The following CDH18 variants were observed in gnomAD, a reference collection of about 807,000 sequenced individuals.
The protein encoded by CDH18 is cadherin-18.
CDH18 carries 31 observed loss-of-function variants against 67.9 expected under a neutral mutation model. The ratio of observed to expected loss-of-function variants is 0.46; its 90% CI spans 0.34 to 0.62. The LOEUF is 0.62. CDH18 is among the 20% of genes least tolerant of loss of function. CDH18 has a pLI of 0.01. For missense variants in CDH18, 890 were observed against 975.5 expected (o/e 0.91, Z 1.17); for synonymous variants, 362 against 347.2 (o/e 1.04, Z -0.48).
intron 12 of CDH18, among the ~76,000 whole-genome samples, chr5:19,477,453 C>A (rs747515657): frequency 6.6e-6 from 1 of 151,596 alleles, no homozygotes; most frequent in Non-Finnish European, 1.5e-5. Flanking sequence ...AAGTGAATTA[C>A]CCTGAACAGT....
At chr5:19,896,033 T>C (rs1450777718) in intron 2 of CDH18, among the ~76,000 whole-genome samples, 1 of 151,462 alleles carries the variant, frequency 6.6e-6, no homozygotes, top group Non-Finnish European at 1.5e-5. Flanking sequence ...AAAATGGTCC[T>C]TGCAGATATG....
intron 2 of CDH18, among the ~76,000 whole-genome samples, chr5:20,034,295 G>A (rs186809215): frequency 6.6e-6 from 1 of 152,102 alleles, no homozygotes; most frequent in East Asian, 1.9e-4. Context: ...ATTCCACTGT[G>A]ATGCTTTTTC....
intron 8 of CDH18, among the ~76,000 whole-genome samples, chr5:19,545,294 C>T (rs238637): frequency 6.6e-6 from 1 of 151,994 alleles, no homozygotes; most frequent in East Asian, 1.9e-4. Context: ...GAAACAGTTT[C>T]AATTGGTTAG....
chr5:19,684,857 T>C (rs1359628744), intron 5 of CDH18, among the ~76,000 whole-genome samples: 3 of 152,182 alleles, frequency 2.0e-5, no homozygotes, highest in Admixed American at 2.0e-4. Flanking sequence ...TCAAGTATCT[T>C]TTATCTTTCC....
intron 1 of CDH18, among the ~76,000 whole-genome samples, chr5:20,548,359 ATG>A (rs1490545210): frequency 6.6e-6 from 1 of 151,882 alleles, no homozygotes; most frequent in Non-Finnish European, 1.5e-5. Context: ...GTATGTGTAT[ATG>A]TGTTCATAAA....
At chr5:20,124,980 C>T (rs1014373469) in intron 2 of CDH18, among the ~76,000 whole-genome samples, 1 of 151,926 alleles carries the variant, frequency 6.6e-6, no homozygotes, top group African/African-American at 2.4e-5. Context: ...ATGAGGATTG[C>T]AGGAGTTTGC....
At chr5:19,985,383 G>T (rs1035677199) in intron 1 of CDH18, among the ~76,000 whole-genome samples, 4 of 152,034 alleles carry the variant, frequency 2.6e-5, no homozygotes, top group Admixed American at 2.6e-4. Flanking sequence ...CCACTGAGTG[G>T]TTCTCAAAAT....
At chr5:19,508,541 C>A (rs347698) in intron 10 of CDH18, among the ~76,000 whole-genome samples, 15,456 of 151,586 alleles carry the variant, frequency 0.1, 1,282 homozygotes, top group African/African-American at 0.24. Flanking sequence ...AATGATATTA[C>A]AAATTTAGTC....
intron 1 of CDH18, among the ~76,000 whole-genome samples, chr5:20,468,632 G>A (rs571726692): frequency 6.6e-6 from 1 of 152,148 alleles, no homozygotes; most frequent in African/African-American, 2.4e-5. Context: ...GTATTTTCTA[G>A]CAACCTTCAT....
intron 1 of CDH18, among the ~76,000 whole-genome samples, chr5:20,332,000 T>G (rs1739234437): frequency 6.6e-6 from 1 of 152,124 alleles, no homozygotes; most frequent in Admixed American, 6.6e-5. Flanking sequence ...GACAATGAGG[T>G]TCACAGGCAA....
rs530282908 is a variant in CDH18, at chr5:20,335,921, A to T, written c.-579-80416T>A. ...CTTAAAAATGATTTCATTTACTTTTAACAAAACTTGGTCTTACAGAAAGAA... is the reference window on the plus strand; with the variant it reads ...CTTAAAAATGATTTCATTTACTTTTTACAAAACTTGGTCTTACAGAAAGAA... On this transcript the variant is annotated intron_variant, in intron 1 of 14. Transcript: ENST00000507958. Among the ~76,000 whole-genome samples, 4 of 152,308 alleles carry T rather than the reference A, an allele frequency of 2.6e-5. No individual in the cohort carries two copies. In the South Asian group the frequency reaches 8.3e-4, roughly 32 times the overall value.
intron 1 of CDH18, among the ~76,000 whole-genome samples, chr5:20,296,306 T>G (rs1470805123): frequency 2.0e-5 from 3 of 151,474 alleles, no homozygotes; most frequent in Non-Finnish European, 4.4e-5. Flanking sequence ...CAGGCTGGAG[T>G]GCAGTGGCGC....
chr5:20,524,976 G>A (rs1302994162), intron 1 of CDH18, among the ~76,000 whole-genome samples: 1 of 152,106 alleles, frequency 6.6e-6, no homozygotes, highest in Non-Finnish European at 1.5e-5. Context: ...TCTTGCTTGG[G>A]GGAAACAAAG....
intron 2 of CDH18, among the ~76,000 whole-genome samples, chr5:20,059,646 A>G (rs1031959468): frequency 6.6e-6 from 1 of 152,196 alleles, no homozygotes; most frequent in Non-Finnish European, 1.5e-5. Flanking sequence ...TCATTCTACT[A>G]TAAAGATACA....
At chr5:20,019,643 C>G (rs1242463125) in intron 2 of CDH18, among the ~76,000 whole-genome samples, 4 of 152,140 alleles carry the variant, frequency 2.6e-5, no homozygotes, top group African/African-American at 9.7e-5. Context: ...CTGAGGCCTC[C>G]CAGCCATGCT....
At chr5:20,050,253 T>A (rs1261036045) in intron 2 of CDH18, among the ~76,000 whole-genome samples, 1 of 151,880 alleles carries the variant, frequency 6.6e-6, no homozygotes. Flanking sequence ...TATTTTGTTT[T>A]TTAAAATGCC....
intron 1 of CDH18, among the ~76,000 whole-genome samples, chr5:20,362,661 C>G (rs1409239865): frequency 6.6e-6 from 1 of 152,078 alleles, no homozygotes; most frequent in Non-Finnish European, 1.5e-5. Context: ...TTCAAACTGT[C>G]TAGGGAGAGT....
At chr5:20,135,250 GA>G (rs1276676669) in intron 2 of CDH18, among the ~76,000 whole-genome samples, 2 of 151,714 alleles carry the variant, frequency 1.3e-5, no homozygotes, top group African/African-American at 4.8e-5. Flanking sequence ...AATTCTTTGG[GA>G]ATACCTCAAT....
chr5:20,516,898 A>G (rs1167105436), intron 1 of CDH18, among the ~76,000 whole-genome samples: 2 of 151,980 alleles, frequency 1.3e-5, no homozygotes, highest in Non-Finnish European at 2.9e-5. Context: ...AATCTTGAAG[A>G]CAAGTTCAAG....
Sources: gnomAD v4.1 joint callset for allele counts (sites outside exome capture counted in the v4.1 genomes callset) on GRCh38, gnomAD v4.1.1 for gene constraint, MANE v1.5 for transcripts, NCBI Gene and HGNC (gene_info 2026-07-23, HGNC 2026-07-21) for gene names.